Variants in NRCAM observed in about 807,000 individuals in gnomAD.
The protein encoded by NRCAM is NgCAM-related cell adhesion molecule.
NRCAM carries 83 observed loss-of-function variants against 156.5 expected under a neutral mutation model. The observed-to-expected ratio is 0.53, with a 90% CI of 0.44 to 0.64. The LOEUF is 0.64. Among genes scored for constraint, NRCAM ranks in the 30% least tolerant of loss-of-function variants. NRCAM has a pLI of 0.00. For missense variants in NRCAM, 1,417 were observed against 1,597.3 expected, an observed-to-expected ratio of 0.89 and a Z score of 1.92; for synonymous variants, 538 against 563.9, an observed-to-expected ratio of 0.95 and a Z score of 0.65.
At chr7:108,319,198 A>T (rs1167955388) in intron 2 of NRCAM, among the ~76,000 whole-genome samples, 1 of 152,206 alleles carries the variant, frequency 6.6e-6, no homozygotes, top group African/African-American at 2.4e-5. Context: ...CTTCCTTCCA[A>T]CTCTGTAAGT....
intron 1 of NRCAM, among the ~76,000 whole-genome samples, chr7:108,450,027 A>G (rs1442480004): frequency 6.6e-6 from 1 of 152,012 alleles, no homozygotes; most frequent in East Asian, 1.9e-4. Context: ...CCTTCCTACC[A>G]TTATTTAATG....
chr7:108,425,138 G>C (rs1033669951), intron 1 of NRCAM, among the ~76,000 whole-genome samples: 1 of 152,042 alleles, frequency 6.6e-6, no homozygotes, highest in Non-Finnish European at 1.5e-5. Context: ...GAGATGTCAT[G>C]GCTTTCATCA....
chr7:108,339,519 C>T (rs1391437209), intron 2 of NRCAM, among the ~76,000 whole-genome samples: 1 of 152,156 alleles, frequency 6.6e-6, no homozygotes, highest in Non-Finnish European at 1.5e-5. Flanking sequence ...AGGAATGCAG[C>T]CTAGCTCTAG....
At chr7:108,170,072 G>A (rs936660440) in intron 28 of NRCAM, among the ~76,000 whole-genome samples, 2 of 151,724 alleles carry the variant, frequency 1.3e-5, no homozygotes, top group Admixed American at 6.6e-5. Flanking sequence ...TTATCTCTAC[G>A]AGTATCGACT....
chr7:108,283,857 G>GTTTTT (rs975630828), intron 3 of NRCAM, among the ~76,000 whole-genome samples: 2 of 151,750 alleles, frequency 1.3e-5, no homozygotes, highest in Admixed American at 1.3e-4. Context: ...GTTTTGTTTT[G>GTTTTT]TTTTTTGAGA....
intron 2 of NRCAM, among the ~76,000 whole-genome samples, chr7:108,382,531 C>G (rs2099706213): frequency 6.6e-6 from 1 of 151,996 alleles, no homozygotes; most frequent in Non-Finnish European, 1.5e-5. Context: ...ATTGCTTAAG[C>G]CCAGGAGTTC....
chr7:108,199,244 TA>T (rs11339268), intron 13 of NRCAM, among the ~76,000 whole-genome samples: 35,415 of 151,820 alleles, frequency 0.23, 4,365 homozygotes, highest in Non-Finnish European at 0.27. Context: ...ACTTTTAAAA[TA>T]AAAAAAAATT....
intron 8 of NRCAM, among the ~76,000 whole-genome samples, chr7:108,226,934 A>C (rs1441401141): frequency 6.6e-6 from 1 of 152,232 alleles, no homozygotes. Flanking sequence ...GCCAGCTGAC[A>C]GTAACTGGGT....
At chr7:108,255,214 G>C (rs1017099312) in intron 3 of NRCAM, among the ~76,000 whole-genome samples, 1 of 139,264 alleles carries the variant, frequency 7.2e-6, no homozygotes, top group Non-Finnish European at 1.5e-5. Context: ...CCTCTGATGC[G>C]GAGCAGAGGC....
At chr7:108,408,097 GATTT>G (rs1790689707) in intron 1 of NRCAM, among the ~76,000 whole-genome samples, 1 of 152,116 alleles carries the variant, frequency 6.6e-6, no homozygotes, top group Non-Finnish European at 1.5e-5. Flanking sequence ...AACAATAACA[GATTT>G]GTTTTCTTTT....
intron 3 of NRCAM, among the ~76,000 whole-genome samples, chr7:108,310,904 G>A (rs141754125): frequency 1.6e-4 from 25 of 152,200 alleles, no homozygotes; most frequent in African/African-American, 6.0e-4. Context: ...AAGAAGAATC[G>A]AGCCTTTTCA....
At chr7:108,320,914 C>T (rs1425854845) in intron 2 of NRCAM, among the ~76,000 whole-genome samples, 4 of 152,180 alleles carry the variant, frequency 2.6e-5, no homozygotes, top group South Asian at 4.1e-4. Flanking sequence ...TTTACGCAGG[C>T]GTAAATGCTC....
At chr7:108,455,970 C>A (rs1477478585) in intron 1 of NRCAM, among the ~76,000 whole-genome samples, 2 of 152,188 alleles carry the variant, frequency 1.3e-5, no homozygotes, top group Non-Finnish European at 2.9e-5. Flanking sequence ...TGGTGGGTGC[C>A]GGCGCTGCTG....
At position 108,149,090 on chromosome 7, in the gene NRCAM, G is replaced by T. The variant is rs895721739; in HGVS notation, c.*820C>A. 6.6e-6 allele frequency: 1 copy of T among 152,586 alleles called. No individual in the cohort carries two copies. Among genetic ancestry groups the T allele is most frequent in the African/African-American group, 2.4e-5 (1 of 41,428 alleles). 9.5% of individuals were successfully genotyped at this position (152,586 alleles called of 1,614,324 possible). ...TATCTGAAGGCACTGTATGTGTCTT[G>T]CCCTGTGTTCTCTGAAATAATGTTT... On this transcript the variant is annotated 3_prime_UTR_variant, in exon 33 of 33. Transcript: ENST00000379028.
intron 1 of NRCAM, among the ~76,000 whole-genome samples, chr7:108,432,080 A>G (rs564408881): frequency 6.6e-6 from 1 of 152,322 alleles, no homozygotes; most frequent in African/African-American, 2.4e-5. Flanking sequence ...ATTTTAGTGG[A>G]CAGCCACTTG....
intron 8 of NRCAM, among the ~76,000 whole-genome samples, chr7:108,228,453 C>G (rs979154338): frequency 1.3e-5 from 2 of 152,032 alleles, no homozygotes; most frequent in African/African-American, 2.4e-5. Flanking sequence ...GTTGGCAGAC[C>G]AAATGTTAGG....
intron 2 of NRCAM, among the ~76,000 whole-genome samples, chr7:108,361,141 C>T (rs1407666750): frequency 1.3e-5 from 2 of 152,070 alleles, no homozygotes; most frequent in Non-Finnish European, 2.9e-5. Context: ...AAAAGGTGCT[C>T]AATATCATTT....
intron 32 of NRCAM, among the ~76,000 whole-genome samples, chr7:108,153,568 T>C (rs915357358): frequency 3.3e-5 from 5 of 152,120 alleles, no homozygotes; most frequent in Admixed American, 1.3e-4. Context: ...TAATGATGGC[T>C]GCTATCACCA....
At chr7:108,280,737 G>A (rs982361192) in intron 3 of NRCAM, among the ~76,000 whole-genome samples, 1 of 152,166 alleles carries the variant, frequency 6.6e-6, no homozygotes, top group Non-Finnish European at 1.5e-5. Context: ...GCAACACAGC[G>A]CAGCTGTTAT....
Sources: gnomAD v4.1 joint callset for allele counts (sites outside exome capture counted in the v4.1 genomes callset) on GRCh38, gnomAD v4.1.1 for gene constraint, MANE v1.5 for transcripts, NCBI Gene and HGNC (gene_info 2026-07-23, HGNC 2026-07-21) for gene names.